Variants in SDHA observed in about 807,000 individuals in gnomAD.
SDHA encodes the protein succinate dehydrogenase [ubiquinone] flavoprotein subunit, mitochondrial.
SDHA carries 48 observed loss-of-function variants against 78.4 expected under a neutral mutation model. The observed-to-expected ratio is 0.61, with a 90% CI of 0.49 to 0.78. The LOEUF is 0.78. Ranked by LOEUF, SDHA falls within the 30% of genes least tolerant of loss-of-function variation. SDHA has a pLI of 0.00. For synonymous variants in SDHA, 326 were observed against 353.9 expected, an observed-to-expected ratio of 0.92 and a Z score of 0.88; for missense variants, 680 against 892.7, an observed-to-expected ratio of 0.76 and a Z score of 3.04.
intron 11 of SDHA, among the ~76,000 whole-genome samples, chr5:248,405 GTAATT>G (rs1736606620): frequency 6.6e-6 from 1 of 152,240 alleles, no homozygotes; most frequent in Admixed American, 6.5e-5. Context: ...GTCACAATGA[GTAATT>G]TAATGGTAGC....
the SDHA span, among the ~76,000 whole-genome samples, chr5:262,634 C>T: frequency 2.0e-5 from 3 of 152,230 alleles, no homozygotes; most frequent in Non-Finnish European, 4.4e-5. Context: ...TCCATGAAAC[C>T]AGTCCCTGGT....
chr5:246,471 G>A (rs1412491602), intron 11 of SDHA, among the ~76,000 whole-genome samples: 2 of 152,122 alleles, frequency 1.3e-5, no homozygotes, highest in Non-Finnish European at 2.9e-5. Context: ...AGGCCGTAAA[G>A]CTCAAATCAA....
At chr5:222,820 T>C (rs188312215) in intron 1 of SDHA, among the ~76,000 whole-genome samples, 2 of 152,300 alleles carry the variant, frequency 1.3e-5, no homozygotes, top group African/African-American at 4.8e-5. Context: ...GGTAAAGTTT[T>C]CTAAGATGGA....
the SDHA span, among the ~76,000 whole-genome samples, chr5:264,384 A>G: frequency 6.6e-6 from 1 of 152,188 alleles, no homozygotes; most frequent in Non-Finnish European, 1.5e-5. Context: ...GGGAAGCGGG[A>G]GGTAAGACAG....
intron 6 of SDHA, among the ~76,000 whole-genome samples, chr5:229,653 T>C (rs997605117): frequency 1.3e-5 from 2 of 152,248 alleles, no homozygotes; most frequent in Non-Finnish European, 2.9e-5. Flanking sequence ...GGTGAAGTTC[T>C]GAAGGTCTAA....
chr5:225,366 G>A (rs1734947562), intron 3 of SDHA, 53 bp from the exon 4 acceptor site: 1 of 1,611,666 alleles, frequency 6.2e-7, no homozygotes, highest in Non-Finnish European at 8.5e-7. Context: ...GGGCCTGGAA[G>A]ACAAAGTTGG....
chr5:233,573 C>T lies in SDHA; in HGVS notation c.992C>T (p.Ala331Val), dbSNP rs1206201147. The change falls in exon 8 of 15, where the codon GCC becomes GTC. Residue 331 changes from alanine to valine, a missense_variant. Ala to Val is a moderately conservative substitution (Grantham distance 64). Coordinates refer to ENST00000264932, the MANE Select transcript of SDHA (RefSeq NM_004168.4). ...SQGERFMERY[A>V]PVAKDLASRD... ...GGCGAAAGGTTTATGGAGCGATACG[C>T]CCCTGTCGCGAAGGACCTGGCGTCT... 1.9e-6 allele frequency: 3 copies of T among 1,614,198 alleles called. No homozygotes were observed. The highest frequency in any genetic ancestry group is 2.5e-6 in the Non-Finnish European group (3 of 1,180,030).
chr5:254,350 T>A, intron 13 of SDHA, 43 bp from the exon 14 acceptor site: 3 of 1,541,756 alleles, frequency 1.9e-6, no homozygotes, highest in Non-Finnish European at 2.6e-6. Context: ...TCTGTATTGC[T>A]CTGTTAGAGT....
chr5:257,118 A>G (rs1737256835), downstream of SDHA, among the ~76,000 whole-genome samples: 1 of 152,158 alleles, frequency 6.6e-6, no homozygotes, highest in Non-Finnish European at 1.5e-5. Flanking sequence ...CTAAGTTCAA[A>G]TTAATGTTGG....
intron 7 of SDHA, 27 bp from the exon 8 acceptor site, chr5:233,450 G>A: frequency 1.2e-6 from 2 of 1,610,900 alleles, no homozygotes; most frequent in Middle Eastern, 1.7e-4. Context: ...CAATTGTTAG[G>A]TAATAAATAT....
chr5:221,380 C>T (rs912283595), intron 1 of SDHA, among the ~76,000 whole-genome samples: 1 of 152,216 alleles, frequency 6.6e-6, no homozygotes, highest in African/African-American at 2.4e-5. Flanking sequence ...GCTTCCGCTT[C>T]TTCCTGATAC....
chr5:224,168 CA>C (rs1195169601), intron 2 of SDHA, among the ~76,000 whole-genome samples, 191 bp from the exon 3 acceptor site: 1 of 152,224 alleles, frequency 6.6e-6, no homozygotes, highest in East Asian at 1.9e-4. Context: ...ATCTGATTGT[CA>C]GTCCCTTCTC....
chr5:219,764 G>C (rs565873404), intron 1 of SDHA, among the ~76,000 whole-genome samples: 111 of 152,346 alleles, frequency 7.3e-4, no homozygotes, highest in Non-Finnish European at 1.3e-3. Flanking sequence ...GCTAGAGCTA[G>C]TGCCTTTGTC....
At chr5:221,798 A>G (rs191775329) in intron 1 of SDHA, among the ~76,000 whole-genome samples, 2 of 152,238 alleles carry the variant, frequency 1.3e-5, no homozygotes, top group Admixed American at 1.3e-4. Context: ...TTAGATTTAG[A>G]TTGAGAGGGT....
chr5:257,577 G>GC (rs1379520920), downstream of SDHA, among the ~76,000 whole-genome samples: 1 of 110,758 alleles, frequency 9.0e-6, no homozygotes, highest in Non-Finnish European at 1.8e-5. Context: ...TGTGAGCTCC[G>GC]CCCCTGCCAG....
chr5:227,924 G>A (rs1279472076), intron 5 of SDHA: 6 of 457,812 alleles, frequency 1.3e-5, no homozygotes, highest in East Asian at 4.3e-5. Context: ...GTGCCTCTTC[G>A]GGTTGTGTAG....
chr5:227,322 A>G (rs1327616816), intron 5 of SDHA, among the ~76,000 whole-genome samples: 1 of 152,204 alleles, frequency 6.6e-6, no homozygotes, highest in African/African-American at 2.4e-5. Context: ...GGATTGTTTT[A>G]ATATTAACTG....
At chr5:237,150 G>T (rs979291917) in intron 10 of SDHA, among the ~76,000 whole-genome samples, 1 of 134,800 alleles carries the variant, frequency 7.4e-6, no homozygotes, top group Non-Finnish European at 1.5e-5. Flanking sequence ...TTATTTTGCA[G>T]TCATTATGTT....
intron 9 of SDHA, 161 bp downstream of exon 9, chr5:235,500 G>A: frequency 1.4e-6 from 1 of 739,502 alleles, no homozygotes; most frequent in Non-Finnish European, 2.4e-6. Context: ...ATTACCGGAG[G>A]ATGGAGGGGG....
Sources: gnomAD v4.1 joint callset for allele counts (sites outside exome capture counted in the v4.1 genomes callset) on GRCh38, gnomAD v4.1.1 for gene constraint, MANE v1.5 for transcripts, NCBI Gene and HGNC (gene_info 2026-07-23, HGNC 2026-07-21) for gene names.